Variants in RBMS3 observed in about 807,000 individuals in gnomAD.
The protein encoded by RBMS3 is RNA binding motif single stranded interacting protein 3, also known as RNA-binding motif, single-stranded-interacting protein 3.
A neutral mutation model predicts 66.8 loss-of-function variants in RBMS3; 27 were observed. The observed-to-expected ratio is 0.40, with a 90% CI of 0.30 to 0.56. The LOEUF (loss-of-function observed/expected upper bound fraction) is 0.56. Ranked by LOEUF, RBMS3 falls within the 20% of genes least tolerant of loss-of-function variation. The probability of loss-of-function intolerance (pLI) is 0.40; values close to 1 mark genes in which losing one functional copy is unlikely to be tolerated. For missense variants in RBMS3, 513 were observed against 549.5 expected (o/e 0.93, Z 0.66); for synonymous variants, 188 against 183.0 (o/e 1.03, Z -0.22).
intron 4 of RBMS3, among the ~76,000 whole-genome samples, chr3:29,623,399 T>C (rs1393280666): frequency 6.6e-6 from 1 of 151,682 alleles, no homozygotes; most frequent in Non-Finnish European, 1.5e-5. Context: ...GAGACCATCC[T>C]GGCTAACACG....
Position 29,858,775 on chromosome 3 carries a change from T to C in RBMS3, c.638-10083T>C, listed in dbSNP as rs575461487. On this transcript the variant is annotated intron_variant, in intron 6 of 14. Transcript: ENST00000383767. Reference sequence around the variant, plus strand: ...TTCCTTTTAGAACCATCTTTTTATATAGGGAAGGAATTATCAGAGAATTGT... The same window carrying C: ...TTCCTTTTAGAACCATCTTTTTATACAGGGAAGGAATTATCAGAGAATTGT... Among the ~76,000 whole-genome samples, 36 of 152,358 alleles carry C rather than the reference T, an allele frequency of 2.4e-4. 1 individual carries two copies. Among genetic ancestry groups the C allele is most frequent in the South Asian group, 2.3e-3 (11 of 4,832 alleles).
chr3:29,481,647 T>C (rs1476790169), intron 2 of RBMS3, among the ~76,000 whole-genome samples: 1 of 152,046 alleles, frequency 6.6e-6, no homozygotes, highest in Non-Finnish European at 1.5e-5. Context: ...AGCAAGTAAC[T>C]AGGTATTGGC....
intron 2 of RBMS3, among the ~76,000 whole-genome samples, chr3:29,469,596 A>G (rs1459997890): frequency 8.0e-5 from 12 of 150,430 alleles, no homozygotes; most frequent in Non-Finnish European, 1.5e-4. Flanking sequence ...TAAGTAAAAA[A>G]AAAGTTGTAG....
intron 4 of RBMS3, among the ~76,000 whole-genome samples, chr3:29,641,343 T>G (rs2049702897): frequency 6.6e-6 from 1 of 152,070 alleles, no homozygotes; most frequent in Admixed American, 6.6e-5. Flanking sequence ...AATGGTTGTT[T>G]CCAAACCACC....
chr3:30,008,689 A>G lies in RBMS3; in HGVS notation c.*4827A>G, dbSNP rs997475783. 6.6e-5 allele frequency: 10 copies of G among 152,214 alleles called. No homozygotes were observed. The highest frequency in any genetic ancestry group is 2.4e-4 in the African/African-American group (10 of 41,558). 9.4% of individuals were successfully genotyped at this position (152,214 alleles called of 1,614,324 possible). On this transcript the variant is annotated 3_prime_UTR_variant, in exon 15 of 15. Coordinates refer to ENST00000383767, the MANE Select transcript of RBMS3 (RefSeq NM_001003793.3). Reference sequence around the variant, plus strand: ...TGGCAAGTGATAATGGGATTTCATTAATGAATCAATTTGTTTTACAAATGA... The same window carrying G: ...TGGCAAGTGATAATGGGATTTCATTGATGAATCAATTTGTTTTACAAATGA...
chr3:29,726,452 A>G (rs1010824384), intron 4 of RBMS3, among the ~76,000 whole-genome samples: 3 of 152,208 alleles, frequency 2.0e-5, no homozygotes, highest in Non-Finnish European at 4.4e-5. Flanking sequence ...TTTTATATTT[A>G]GAAAACACCA....
chr3:29,698,448 G>A, intron 4 of RBMS3: 1 of 985,396 alleles, frequency 1.0e-6, no homozygotes, highest in Non-Finnish European at 1.2e-6. Context: ...GGTAAATGGA[G>A]AAATACAGTC....
intron 10 of RBMS3, among the ~76,000 whole-genome samples, chr3:29,922,991 T>G (rs1241813799): frequency 6.6e-6 from 1 of 152,368 alleles, no homozygotes; most frequent in East Asian, 1.9e-4. Context: ...GTCAACCAGA[T>G]GTTTTCACCT....
chr3:29,759,718 C>G (rs914752786), intron 5 of RBMS3, among the ~76,000 whole-genome samples: 83 of 152,220 alleles, frequency 5.5e-4, no homozygotes, highest in African/African-American at 1.3e-3. Context: ...TTTCCTCCCC[C>G]CCCAGAGCTT....
chr3:29,989,474 C>T (rs921058769), intron 13 of RBMS3, among the ~76,000 whole-genome samples: 1 of 152,172 alleles, frequency 6.6e-6, no homozygotes, highest in East Asian at 1.9e-4. Context: ...CTTTGCTACT[C>T]CATTTGTTGG....
chr3:29,564,803 G>A (rs559371110), intron 3 of RBMS3, among the ~76,000 whole-genome samples: 52 of 152,162 alleles, frequency 3.4e-4, no homozygotes, highest in African/African-American at 1.2e-3. Context: ...CTGCTGTAAT[G>A]TGTCAGCTTA....
intron 4 of RBMS3, among the ~76,000 whole-genome samples, chr3:29,627,845 T>C (rs1328498558): frequency 1.3e-5 from 2 of 152,076 alleles, no homozygotes; most frequent in African/African-American, 4.8e-5. Flanking sequence ...AATCAGCTGA[T>C]CTTGATACTG....
At chr3:29,658,998 T>C (rs2050426328) in intron 4 of RBMS3, among the ~76,000 whole-genome samples, 1 of 151,970 alleles carries the variant, frequency 6.6e-6, no homozygotes, top group African/African-American at 2.4e-5. Context: ...TTTGTATTTT[T>C]AGTAGCGATG....
At chr3:29,817,030 G>T (rs2057927779) in intron 6 of RBMS3, among the ~76,000 whole-genome samples, 1 of 152,098 alleles carries the variant, frequency 6.6e-6, no homozygotes, top group Admixed American at 6.5e-5. Context: ...GGCAGAGGTT[G>T]CCGTGAGCCG....
chr3:29,498,950 G>A lies in RBMS3; in HGVS notation c.307+10451G>A, dbSNP rs548687842. ...TAAGTACTTAAAGGATGTCTTAAAG[G>A]TATGAAAGATACCTTTTGGTGTTGG... On this transcript the variant is annotated intron_variant, in intron 3 of 14. Coordinates refer to ENST00000383767, the MANE Select transcript of RBMS3 (RefSeq NM_001003793.3). Among the ~76,000 whole-genome samples the A allele has an allele frequency of 2.6e-5, 4 of 152,232 alleles. 1 individual carries two copies. Among genetic ancestry groups the A allele is most frequent in the African/African-American group, 9.6e-5 (4 of 41,540 alleles).
chr3:29,425,202 C>A (rs200975979), intron 1 of RBMS3, among the ~76,000 whole-genome samples: 16,615 of 85,034 alleles, frequency 0.2, 1,023 homozygotes, highest in East Asian at 0.39. Flanking sequence ...AAAAAAAAAA[C>A]CCCCCAAAAA....
intron 6 of RBMS3, among the ~76,000 whole-genome samples, chr3:29,769,615 G>GT (rs34803746): frequency 0.47 from 70,034 of 150,250 alleles, 17,456 homozygotes; most frequent in Middle Eastern, 0.6. Context: ...AAAGAGGGTT[G>GT]TTTTTTTTCT....
intron 4 of RBMS3, among the ~76,000 whole-genome samples, chr3:29,644,243 A>T (rs144756332): frequency 1.5e-3 from 222 of 152,134 alleles, no homozygotes; most frequent in African/African-American, 5.2e-3. Flanking sequence ...CCAAAAAAAT[A>T]AAAAAAAGGA....
intron 14 of RBMS3, among the ~76,000 whole-genome samples, chr3:29,996,486 C>T (rs1699251736): frequency 1.3e-5 from 2 of 150,170 alleles, no homozygotes; most frequent in East Asian, 3.9e-4. Context: ...CACCACACCA[C>T]ACCTATTCCA....
Sources: gnomAD v4.1 joint callset for allele counts (sites outside exome capture counted in the v4.1 genomes callset) on GRCh38, gnomAD v4.1.1 for gene constraint, MANE v1.5 for transcripts, NCBI Gene and HGNC (gene_info 2026-07-23, HGNC 2026-07-21) for gene names.